LAMA3: variants seen among roughly 807,000 people sequenced by gnomAD.
LAMA3 encodes laminin subunit alpha 3, also known as laminin subunit alpha-3.
In LAMA3, 281 loss-of-function variants were observed where a neutral mutation model predicts 402.0. The ratio of observed to expected loss-of-function variants is 0.70; its 90% CI spans 0.63 to 0.77. The LOEUF is 0.77. Among genes scored for constraint, LAMA3 ranks in the 30% least tolerant of loss-of-function variants. The probability of loss-of-function intolerance (pLI) is 0.00; values close to 1 mark genes in which losing one functional copy is unlikely to be tolerated. For missense variants in LAMA3, 3,840 were observed against 4,215.5 expected (o/e 0.91, Z 2.47); for synonymous variants, 1,431 against 1,558.4 (o/e 0.92, Z 1.93).
At chr18:23,744,692 C>A (rs562833586) in intron 2 of LAMA3, among the ~76,000 whole-genome samples, 5 of 151,762 alleles carry the variant, frequency 3.3e-5, no homozygotes, top group Admixed American at 1.3e-4. Context: ...ATTAGCCGGG[C>A]GTGGTGGCAG....
chr18:23,909,416 T>A, intron 55 of LAMA3, 121 bp downstream of exon 55: 1 of 896,186 alleles, frequency 1.1e-6, no homozygotes. Context: ...TCCCCAATTC[T>A]TGTGTTGCTT....
intron 1 of LAMA3, among the ~76,000 whole-genome samples, chr18:23,712,867 A>T (rs918955293): frequency 6.6e-6 from 1 of 151,634 alleles, no homozygotes; most frequent in African/African-American, 2.4e-5. Flanking sequence ...CTCCTATGTG[A>T]TGGTTATACC....
At chr18:23,769,951 G>A (rs918595975) in intron 8 of LAMA3, among the ~76,000 whole-genome samples, 8 of 152,200 alleles carry the variant, frequency 5.3e-5, no homozygotes, top group African/African-American at 1.7e-4. Context: ...TAGAAGGATA[G>A]AGTAAAAATA....
intron 62 of LAMA3, among the ~76,000 whole-genome samples, chr18:23,924,270 G>A (rs754998761): frequency 1.1e-4 from 17 of 152,102 alleles, no homozygotes; most frequent in Admixed American, 2.0e-4. Flanking sequence ...TCCTACCTTG[G>A]CCTCCTGAGT....
chr18:23,723,398 G>A (rs932116070), intron 2 of LAMA3, among the ~76,000 whole-genome samples: 2 of 152,062 alleles, frequency 1.3e-5, no homozygotes, highest in African/African-American at 4.8e-5. Context: ...GCCATAGAAT[G>A]GTCTTTATCG....
intron 55 of LAMA3, among the ~76,000 whole-genome samples, chr18:23,910,431 G>T (rs2145204760): frequency 6.6e-6 from 1 of 152,322 alleles, no homozygotes; most frequent in East Asian, 1.9e-4. Context: ...ATAAAAAGCA[G>T]TAAGTAAGTG....
chr18:23,915,434 G>T lies in LAMA3; in HGVS notation c.7778+12G>T, dbSNP rs776512314. 2 of 1,612,044 alleles carry T rather than the reference G, an allele frequency of 1.2e-6. No individual in the cohort carries two copies. Among genetic ancestry groups the T allele is most frequent in the Non-Finnish European group, 1.7e-6 (2 of 1,178,960 alleles). The stretch of plus-strand genomic sequence containing the variant: ...GAGCCTTGTAGAAGGTAAATAAAAT[G>T]TAGAAACCAGAAACTCTGTAACTGG... On this transcript the variant is annotated intron_variant, in intron 59 of 74. Coordinates refer to ENST00000313654, the MANE Select transcript of LAMA3 (RefSeq NM_198129.4).
chr18:23,856,166 G>A (rs1457653482), intron 32 of LAMA3, among the ~76,000 whole-genome samples: 2 of 152,200 alleles, frequency 1.3e-5, no homozygotes, highest in Non-Finnish European at 2.9e-5. Context: ...GGGATTCAAA[G>A]CAGGTTACCT....
chr18:23,871,208 A>G (rs1358143267), intron 37 of LAMA3, among the ~76,000 whole-genome samples: 1 of 152,116 alleles, frequency 6.6e-6, no homozygotes, highest in Non-Finnish European at 1.5e-5. Context: ...ATTGCCCCTT[A>G]TTCCCTGCCT....
intron 70 of LAMA3, among the ~76,000 whole-genome samples, chr18:23,948,910 C>T (rs1286869715): frequency 6.6e-6 from 1 of 152,198 alleles, no homozygotes; most frequent in Admixed American, 6.5e-5. Context: ...ATTACCATGT[C>T]TGACTTGTAG....
In LAMA3 at chr18:23,907,847, C is replaced by T. The variant is rs1307866122; in HGVS notation, c.6927C>T (p.Ile2309=). The change falls in exon 54 of 75, where the codon ATC becomes ATT. Residue 2309 remains isoleucine, a synonymous_variant. Coordinates refer to ENST00000313654, the MANE Select transcript of LAMA3 (RefSeq NM_198129.4). ...AGGTTCTGGATGGGCTCAACCCCAT[C>T]CAGACAGATGTGGAAAGAATTAAGG... ...TDEVLDGLNP[I]QTDVERIKDT... The T allele has an allele frequency of 1.2e-6, 2 of 1,614,118 alleles. No individual in the cohort carries two copies. Among genetic ancestry groups the T allele is most frequent in the South Asian group, 1.1e-5 (1 of 91,078 alleles).
intron 21 of LAMA3, among the ~76,000 whole-genome samples, chr18:23,825,906 C>G (rs1338183608): frequency 3.3e-5 from 5 of 152,286 alleles, no homozygotes; most frequent in Middle Eastern, 3.4e-3. Flanking sequence ...GTCCCAAACT[C>G]AGCAAACTTA....
intron 23 of LAMA3, among the ~76,000 whole-genome samples, chr18:23,829,686 CAT>C (rs1469752731): frequency 6.6e-6 from 1 of 152,174 alleles, no homozygotes; most frequent in Admixed American, 6.5e-5. Context: ...GCATATATAA[CAT>C]AGTGGTGAAG....
chr18:23,833,341 C>T (rs913225964), intron 23 of LAMA3, among the ~76,000 whole-genome samples: 31 of 152,002 alleles, frequency 2.0e-4, no homozygotes, highest in Middle Eastern at 3.4e-3. Flanking sequence ...ATCCCAGGAG[C>T]GAGATGTGTG....
At chr18:23,701,641 G>A (rs985835379) in intron 1 of LAMA3, among the ~76,000 whole-genome samples, 2 of 152,164 alleles carry the variant, frequency 1.3e-5, no homozygotes, top group Non-Finnish European at 2.9e-5. Context: ...AATTGATGAA[G>A]CCCTGCCCTC....
At chr18:23,734,145 T>A (rs2061436171) in intron 2 of LAMA3, among the ~76,000 whole-genome samples, 2 of 152,242 alleles carry the variant, frequency 1.3e-5, no homozygotes, top group South Asian at 4.1e-4. Flanking sequence ...GATTTCCAAC[T>A]TAGCCAGGAC....
Position 23,875,214 on chromosome 18 carries a change from C to G in LAMA3, c.4999-1080C>G, listed in dbSNP as rs549751946. Among the ~76,000 whole-genome samples, 4 of 152,220 alleles carry G rather than the reference C, an allele frequency of 2.6e-5. No individual in the cohort carries two copies. The East Asian group carries it at 7.7e-4, about 29-fold the overall frequency. ...TGATTTGCTCTGCCAAAATAAAGGA[C>G]ATGTCTATAATTTCCTTTAAAGACA... On this transcript the variant is annotated intron_variant, in intron 38 of 74. Transcript: ENST00000313654.
At chr18:23,845,736 G>C (rs1485206130) in intron 30 of LAMA3, among the ~76,000 whole-genome samples, 3 of 152,196 alleles carry the variant, frequency 2.0e-5, no homozygotes, top group Admixed American at 1.3e-4. Flanking sequence ...CTCTTAAGCA[G>C]CTGTGGAGGT....
chr18:23,899,306 C>G lies in LAMA3; in HGVS notation c.5855C>G (p.Ser1952Cys). 3 of 1,613,600 alleles carry G rather than the reference C, an allele frequency of 1.9e-6. No individual in the cohort carries two copies. Among genetic ancestry groups the G allele is most frequent in the Non-Finnish European group, 2.5e-6 (3 of 1,179,946 alleles). ...RNVHILLKQI[S>C]GTDGEGNNVP... ...TTCCTAGTTCTTTTAAAGCAGATCT[C>G]TGGGACAGATGGAGAGGGAAACAAC... The change falls in exon 47 of 75, where the codon TCT (serine) becomes TGT (cysteine). Residue 1952 changes from serine (S) to cysteine (C), a missense_variant. Around this residue, in one of 3 missense-constraint regions of LAMA3, gnomAD observed 891 missense variants for 857.5 expected, o/e 1.04. Coordinates refer to ENST00000313654, the MANE Select transcript of LAMA3 (RefSeq NM_198129.4).
Sources: allele counts gnomAD v4.1 joint callset (sites outside exome capture counted in the v4.1 genomes callset), GRCh38; gene constraint gnomAD v4.1.1; regional missense constraint gnomAD v4.1.1; transcripts MANE v1.5; gene names NCBI Gene and HGNC (gene_info 2026-07-23, HGNC 2026-07-21).